Variants in GIGYF2 observed in about 807,000 individuals in gnomAD.
The protein encoded by GIGYF2 is GRB10-interacting GYF protein 2.
Under a neutral mutation model 208.1 loss-of-function variants are expected in GIGYF2, and 25 were observed. The observed-to-expected ratio is 0.12, with a 90% CI of 0.09 to 0.17. The LOEUF is 0.17. GIGYF2 is among the 10% of genes least tolerant of loss of function. The pLI, the probability that GIGYF2 is intolerant of heterozygous loss-of-function variation, is 1.00. For missense variants in GIGYF2, 1,302 were observed against 1,579.4 expected, an observed-to-expected ratio of 0.82 and a Z score of 2.98; for synonymous variants, 534 against 543.8, an observed-to-expected ratio of 0.98 and a Z score of 0.25.
intron 27 of GIGYF2, among the ~76,000 whole-genome samples, chr2:232,848,755 TG>T (rs760959102): frequency 2.0e-5 from 3 of 152,236 alleles, no homozygotes; most frequent in Non-Finnish European, 4.4e-5. Flanking sequence ...AAGAAGGCAT[TG>T]TTTCCTTGTT....
At chr2:232,838,221 G>T (rs1421965425) in intron 22 of GIGYF2, among the ~76,000 whole-genome samples, 1 of 152,040 alleles carries the variant, frequency 6.6e-6, no homozygotes, top group Admixed American at 6.6e-5. Context: ...TATTTTGTGT[G>T]TATATATACC....
At chr2:232,780,095 A>G (rs934154993) in intron 8 of GIGYF2, among the ~76,000 whole-genome samples, 8 of 152,168 alleles carry the variant, frequency 5.3e-5, no homozygotes, top group Non-Finnish European at 1.0e-4. Context: ...GTAAGCTCCA[A>G]GTCTCACAGC....
At chr2:232,823,363 C>CTTTTTTTTTTTT (rs368386641) in intron 21 of GIGYF2, among the ~76,000 whole-genome samples, 3 of 83,630 alleles carry the variant, frequency 3.6e-5, no homozygotes, top group African/African-American at 9.1e-5. Flanking sequence ...TCCTTTCTTT[C>CTTTTTTTTTTTT]TTTCTTTTTT....
chr2:232,701,957 A>G (rs1695864943), intron 1 of GIGYF2, among the ~76,000 whole-genome samples: 2 of 151,842 alleles, frequency 1.3e-5, no homozygotes, highest in Admixed American at 1.3e-4. Context: ...CACTTGAGCC[A>G]TGAGACCAGC....
chr2:232,738,807 A>G (rs1697847003), intron 3 of GIGYF2, among the ~76,000 whole-genome samples: 1 of 152,228 alleles, frequency 6.6e-6, no homozygotes, highest in East Asian at 1.9e-4. Flanking sequence ...AAGTGGAATT[A>G]TTAAATCAAA....
chr2:232,762,278 C>T (rs1698774002), intron 8 of GIGYF2, among the ~76,000 whole-genome samples: 1 of 141,732 alleles, frequency 7.1e-6, no homozygotes, highest in Admixed American at 7.3e-5. Flanking sequence ...GTCTCAGAGG[C>T]TGGAGACTCT....
chr2:232,790,738 A>T lies in GIGYF2; in HGVS notation c.753A>T (p.Arg251=), dbSNP rs1180498083. The T allele has an allele frequency of 3.1e-6, 5 of 1,614,100 alleles. No homozygotes were observed. The highest frequency in any genetic ancestry group is 4.2e-6 in the Non-Finnish European group (5 of 1,179,998). Reference sequence around the variant, plus strand: ...CAGGCTGGCGGGAACACATGGAACGACGTCGGAGGTTTGAGTTTGATTTTC... The same window carrying T: ...CAGGCTGGCGGGAACACATGGAACGTCGTCGGAGGTTTGAGTTTGATTTTC... ...RSAGWREHME[R]RRRFEFDFRD... is the part of the protein sequence containing the mutation. Residue 251 remains arginine, a synonymous_variant, in exon 10 of 29, where the codon CGA becomes CGT. Transcript: ENST00000373563.
intron 15 of GIGYF2, among the ~76,000 whole-genome samples, chr2:232,808,197 T>G (rs749966019): frequency 1.3e-5 from 2 of 152,254 alleles, no homozygotes; most frequent in African/African-American, 4.8e-5. Flanking sequence ...CCTAGTTGTT[T>G]TAAGTCACAA....
chr2:232,751,296 C>T (rs185994970), intron 5 of GIGYF2, among the ~76,000 whole-genome samples: 1 of 152,316 alleles, frequency 6.6e-6, no homozygotes, highest in Non-Finnish European at 1.5e-5. Context: ...CTCACTGCAA[C>T]ATCTGCCTCC....
At chr2:232,831,752 T>G (rs914403208) in intron 21 of GIGYF2, among the ~76,000 whole-genome samples, 1 of 152,232 alleles carries the variant, frequency 6.6e-6, no homozygotes, top group Non-Finnish European at 1.5e-5. Flanking sequence ...GTTCAGATGT[T>G]TCACGTCATG....
rs115248899 is a variant in GIGYF2 at position 232,797,356 on chromosome 2, T to C, written c.1639+1135T>C. 3.7e-3 allele frequency among the ~76,000 whole-genome samples: 571 copies of C among 152,272 alleles called. 3 individuals are homozygous for C. The highest frequency in any genetic ancestry group is 0.01 in the African/African-American group (417 of 41,550). On this transcript the variant is annotated intron_variant, in intron 14 of 28. Transcript: ENST00000373563. Reference sequence around the variant, plus strand: ...CTGTGTGCCCACCCTGTGAGCTCTCTCCAATGAATTAACTCCCCTTGCACT... The same window carrying C: ...CTGTGTGCCCACCCTGTGAGCTCTCCCCAATGAATTAACTCCCCTTGCACT...
chr2:232,825,235 C>G (rs1425227367), intron 21 of GIGYF2, among the ~76,000 whole-genome samples: 1 of 152,202 alleles, frequency 6.6e-6, no homozygotes, highest in African/African-American at 2.4e-5. Flanking sequence ...TCATAATGCT[C>G]TGTGTGTCAT....
At chr2:232,820,560 C>A (rs575807379) in intron 21 of GIGYF2, among the ~76,000 whole-genome samples, 4 of 151,968 alleles carry the variant, frequency 2.6e-5, no homozygotes, top group Non-Finnish European at 5.9e-5. Context: ...ATGATCCACC[C>A]GCCTCGGCCT....
At chr2:232,738,345 A>G (rs1697829618) in intron 3 of GIGYF2, among the ~76,000 whole-genome samples, 6 of 152,192 alleles carry the variant, frequency 3.9e-5, no homozygotes, top group Admixed American at 3.9e-4. Flanking sequence ...TGCCAAGTAT[A>G]TCCTGTCTAC....
Position 232,846,073 on chromosome 2 carries a change from C to CA in GIGYF2, c.3460+190dup, listed in dbSNP as rs1050108098. 3.0e-4 allele frequency among the ~76,000 whole-genome samples: 46 copies of CA among 152,270 alleles called. 1 individual carries two copies. Among genetic ancestry groups the CA allele is most frequent in the African/African-American group, 1.1e-3 (45 of 41,548 alleles). ...GAGAAAAGTCCAGTAATACTAAACT[C>CA]AAATAGATTATTGGTGGTTGTCAAA... On this transcript the variant is annotated intron_variant, in intron 26 of 28. Transcript: ENST00000373563.
At chr2:232,855,182 G>A (rs1302134738) in intron 28 of GIGYF2, among the ~76,000 whole-genome samples, 1 of 148,288 alleles carries the variant, frequency 6.7e-6, no homozygotes, top group Non-Finnish European at 1.5e-5. Flanking sequence ...TGCCTCCTGG[G>A]TTCAAGCAAT....
At chr2:232,714,511 AAG>A (rs904660013) in intron 2 of GIGYF2, among the ~76,000 whole-genome samples, 26 of 152,304 alleles carry the variant, frequency 1.7e-4, no homozygotes, top group Admixed American at 1.2e-3. Context: ...CTTTTTAAAA[AAG>A]AACTTTTCTG....
intron 8 of GIGYF2, among the ~76,000 whole-genome samples, chr2:232,782,259 C>T (rs1478430553): frequency 6.6e-6 from 1 of 152,042 alleles, no homozygotes; most frequent in Non-Finnish European, 1.5e-5. Context: ...GATGAGGTCT[C>T]ACCATGTTGC....
chr2:232,786,623 G>A (rs1699915678), intron 8 of GIGYF2, among the ~76,000 whole-genome samples: 1 of 152,216 alleles, frequency 6.6e-6, no homozygotes, highest in Non-Finnish European at 1.5e-5. Flanking sequence ...GTAGGTGTTG[G>A]TTATATAAAG....
Sources: gnomAD v4.1 joint callset for allele counts (sites outside exome capture counted in the v4.1 genomes callset) on GRCh38, gnomAD v4.1.1 for gene constraint, MANE v1.5 for transcripts, NCBI Gene and HGNC (gene_info 2026-07-23, HGNC 2026-07-21) for gene names.